SERTAD2: variants seen among roughly 807,000 people sequenced by gnomAD.
SERTAD2 encodes SERTA domain containing 2.
Under a neutral mutation model 15.4 loss-of-function variants are expected in SERTAD2, and 2 were observed. The ratio of observed to expected loss-of-function variants is 0.13; its 90% confidence interval spans 0.05 to 0.41. The LOEUF is 0.41. SERTAD2 is among the 10% of genes least tolerant of loss of function. The pLI, the probability that SERTAD2 is intolerant of heterozygous loss-of-function variation, is 0.99. For missense variants in SERTAD2, 333 were observed against 409.7 expected (o/e 0.81, Z 1.62); for synonymous variants, 180 against 178.0 (o/e 1.01, Z -0.09).
rs372306316 is a variant in SERTAD2, at chr2:64,636,308, C to T, written c.564G>A (p.Ala188=). Residue 188 remains alanine (A), a synonymous_variant, in exon 2 of 2, where the codon GCG becomes GCA. Transcript: ENST00000313349. ...ELCPTSTSTE[A]ATAATDSVKG... ...TCACACTGTCAGTCGCAGCCGTGGC[C>T]GCCTCTGTGGAGGTAGATGTGGGAC... 1.3e-5 allele frequency: 21 copies of T among 1,614,170 alleles called. No individual in the cohort carries two copies. Among genetic ancestry groups the T allele is most frequent in the African/African-American group, 5.3e-5 (4 of 75,044 alleles).
intron 1 of SERTAD2, among the ~76,000 whole-genome samples, chr2:64,643,842 G>A (rs1012454313): frequency 6.6e-6 from 1 of 151,852 alleles, no homozygotes; most frequent in Non-Finnish European, 1.5e-5. Context: ...CTCCAGCCTG[G>A]GTGACAGAGT....
At chr2:64,645,189 G>C (rs928935826) in intron 1 of SERTAD2, among the ~76,000 whole-genome samples, 1 of 152,138 alleles carries the variant, frequency 6.6e-6, no homozygotes, top group Non-Finnish European at 1.5e-5. Context: ...AGTCTCCTGT[G>C]CTCCAGCGAT....
rs760999470 is a variant in SERTAD2 at position 64,636,468 on chromosome 2, A to G, written c.404T>C (p.Leu135Pro). Residue 135 changes from leucine (L) to proline (P), a missense_variant, in exon 2 of 2, where the codon CTG (leucine) becomes CCG (proline). Physicochemically the swap from Leu to Pro is moderately conservative, Grantham distance 98 (BLOSUM62 -3). Coordinates refer to ENST00000313349, the MANE Select transcript of SERTAD2 (RefSeq NM_014755.3). ...PLEACLTPASLLEDDDDTFCT... is the reference protein window; with the variant it reads ...PLEACLTPASPLEDDDDTFCT... ...AAACGTGTCATCGTCGTCCTCGAGC[A>G]GTGAGGCCGGGGTGAGGCAGGCCTC... 4 of 1,613,954 alleles carry G rather than the reference A, an allele frequency of 2.5e-6. No individual in the cohort carries two copies. In the South Asian group the frequency reaches 4.4e-5, roughly 18 times the overall value.
rs1674573157 is a variant in SERTAD2 at position 64,633,098 on chromosome 2, G to A, written c.*2829C>T. 1 of 152,362 alleles carries A rather than the reference G, an allele frequency of 6.6e-6. No individual in the cohort carries two copies. Among genetic ancestry groups the A allele is most frequent in the African/African-American group, 2.4e-5 (1 of 41,426 alleles). 9.4% of individuals were successfully genotyped at this position (152,362 alleles called of 1,614,324 possible). A position where few individuals can be genotyped will look rare whatever the true frequency, so the allele number is the denominator to read the frequency against. On this transcript the variant is annotated 3_prime_UTR_variant, in exon 2 of 2. Transcript: ENST00000313349. ...CATCCCACACTCAAACTGGGACTTGGAGATCCCACTCCAGCTCCTACTGTT... is the reference window on the plus strand; with the variant it reads ...CATCCCACACTCAAACTGGGACTTGAAGATCCCACTCCAGCTCCTACTGTT...
In SERTAD2 at chr2:64,636,888, G is replaced by A. The variant is rs780065033; in HGVS notation, c.-4-13C>T. On this transcript the variant is annotated splice_polypyrimidine_tract_variant and intron_variant, in intron 1 of 1. Transcript: ENST00000313349. ...ACCCAACATATATCTGCAGAGGGGAGAGAGAGGAAATGGCATTAATCACAT... is the reference window on the plus strand; with the variant it reads ...ACCCAACATATATCTGCAGAGGGGAAAGAGAGGAAATGGCATTAATCACAT... 9 of 1,559,940 alleles carry A rather than the reference G, an allele frequency of 5.8e-6. No individual in the cohort carries two copies. The highest frequency in any genetic ancestry group is 1.1e-5 in the South Asian group (1 of 88,642).
chr2:64,652,388 G>C (rs1253670565), intron 1 of SERTAD2, among the ~76,000 whole-genome samples: 1 of 152,136 alleles, frequency 6.6e-6, no homozygotes, highest in Non-Finnish European at 1.5e-5. Context: ...GGTCCTTCAG[G>C]GGCGGAGCGA....
rs1674618733 is a variant in SERTAD2 at position 64,634,746 on chromosome 2, GA to G, written c.*1180del. On this transcript the variant is annotated 3_prime_UTR_variant, in exon 2 of 2. Coordinates refer to ENST00000313349, the MANE Select transcript of SERTAD2 (RefSeq NM_014755.3). Reference sequence around the variant, plus strand: ...TTGCAACAGGGCTGAGTTCCATGAAGAAGTTGGTTGCTTTTCGGATGTAAAA... The same window carrying G: ...TTGCAACAGGGCTGAGTTCCATGAAGAGTTGGTTGCTTTTCGGATGTAAAA... The G allele has an allele frequency of 6.6e-6, 1 of 152,192 alleles. No homozygotes were observed. Among genetic ancestry groups the G allele is most frequent in the South Asian group, 2.1e-4 (1 of 4,826 alleles). The allele number at this position is 152,192 out of a possible 1,614,324, so 9.4% of individuals were successfully genotyped here.
chr2:64,641,377 C>T (rs140680962), intron 1 of SERTAD2, among the ~76,000 whole-genome samples: 112 of 152,240 alleles, frequency 7.4e-4, no homozygotes, highest in African/African-American at 1.6e-3. Flanking sequence ...GGGCTGGGGG[C>T]GGCCGGGAGA....
At chr2:64,650,099 T>G (rs1674977985) in intron 1 of SERTAD2, among the ~76,000 whole-genome samples, 1 of 152,162 alleles carries the variant, frequency 6.6e-6, no homozygotes, top group Non-Finnish European at 1.5e-5. Flanking sequence ...TAAGTTCAGA[T>G]GAGGGACAGA....
intron 1 of SERTAD2, chr2:64,644,647 C>G (rs1371789003): frequency 6.6e-6 from 1 of 152,282 alleles, no homozygotes; most frequent in Non-Finnish European, 1.5e-5. Flanking sequence ...GCTTTTAACA[C>G]CCTCCTCCCC....
At chr2:64,646,069 G>C (rs1432196264) in intron 1 of SERTAD2, among the ~76,000 whole-genome samples, 1 of 152,166 alleles carries the variant, frequency 6.6e-6, no homozygotes, top group Admixed American at 6.5e-5. Context: ...GAATTATACA[G>C]TTTCTAACCT....
intron 1 of SERTAD2, among the ~76,000 whole-genome samples, chr2:64,637,878 G>C (rs928957865): frequency 1.3e-5 from 2 of 152,188 alleles, no homozygotes; most frequent in Non-Finnish European, 2.9e-5. Flanking sequence ...TTATCAACTG[G>C]TTGTCACCTT....
intron 1 of SERTAD2, among the ~76,000 whole-genome samples, chr2:64,645,393 A>AG (rs1553412324): frequency 2.0e-4 from 1 of 4,998 alleles, no homozygotes; most frequent in Admixed American, 3.1e-3. Flanking sequence ...GAAGAAGAAG[A>AG]AAAAAAAAGC....
chr2:64,643,673 C>T (rs947377287), intron 1 of SERTAD2, among the ~76,000 whole-genome samples: 3 of 152,156 alleles, frequency 2.0e-5, no homozygotes, highest in South Asian at 2.1e-4. Context: ...TCGAGACCAC[C>T]CTGGCTAACA....
At position 64,633,881 on chromosome 2, in the gene SERTAD2, G is replaced by C. The variant is rs1674591846; in HGVS notation, c.*2046C>G. ...GGGGGAAAAAGTAAATTAGAATGTA[G>C]AAAGCCTTTATCATATCATACTCAA... On this transcript the variant is annotated 3_prime_UTR_variant, in exon 2 of 2. Transcript: ENST00000313349. The C allele has an allele frequency of 6.6e-6, 1 of 152,552 alleles. No homozygotes were observed. 9.4% of individuals were successfully genotyped at this position (152,552 alleles called of 1,614,324 possible).
chr2:64,644,104 A>C (rs1674843237), intron 1 of SERTAD2, among the ~76,000 whole-genome samples: 1 of 152,198 alleles, frequency 6.6e-6, no homozygotes, highest in Admixed American at 6.5e-5. Flanking sequence ...CGATTGTCTT[A>C]TGAGAAGGCT....
chr2:64,634,722 T>C lies in SERTAD2; in HGVS notation c.*1205A>G, dbSNP rs1674617618. On this transcript the variant is annotated 3_prime_UTR_variant, in exon 2 of 2. Transcript: ENST00000313349. ...TTTCTTCTTTAAGGGCCCTAAGCAT[T>C]GCAACAGGGCTGAGTTCCATGAAGA... 6.6e-6 allele frequency: 1 copy of C among 152,166 alleles called. No individual in the cohort carries two copies. The allele number at this position is 152,166 out of a possible 1,614,324, so 9.4% of individuals were successfully genotyped here. A position where few individuals can be genotyped will look rare whatever the true frequency, so the allele number is the denominator to read the frequency against.
At chr2:64,644,960 A>C (rs1159483292) in intron 1 of SERTAD2, 1 of 151,822 alleles carries the variant, frequency 6.6e-6, no homozygotes, top group African/African-American at 2.4e-5. Flanking sequence ...TTATTTACAG[A>C]CAGGGTAAGT....
chr2:64,636,728 G>C lies in SERTAD2; in HGVS notation c.144C>G (p.Leu48=). The C allele has an allele frequency of 6.2e-7, 1 of 1,614,196 alleles. No homozygotes were observed. Among genetic ancestry groups the C allele is most frequent in the Non-Finnish European group, 8.5e-7 (1 of 1,180,044 alleles). Residue 48 remains leucine (L), a synonymous_variant, in exon 2 of 2, where the codon CTC becomes CTG. Coordinates refer to ENST00000313349, the MANE Select transcript of SERTAD2 (RefSeq NM_014755.3). The part of the protein sequence containing the change: ...QTIFNISLMK[L]YNHRPLTEPS... ...GCTCTGTCAGGGGCCTGTGGTTATA[G>C]AGTTTCATAAGGGAAATGTTGAAGA...
Sources: gnomAD v4.1 joint callset for allele counts (sites outside exome capture counted in the v4.1 genomes callset) on GRCh38, gnomAD v4.1.1 for gene constraint, MANE v1.5 for transcripts, NCBI Gene and HGNC (gene_info 2026-07-23, HGNC 2026-07-21) for gene names.